Variants in MRE11 observed in about 807,000 individuals in gnomAD.
The protein encoded by MRE11 is double-strand break repair protein MRE11.
Under a neutral mutation model 91.7 loss-of-function variants are expected in MRE11, and 62 were observed. The observed-to-expected ratio is 0.68, with a 90% confidence interval of 0.55 to 0.84. MRE11 has a LOEUF of 0.84. Ranked by LOEUF, MRE11 falls within the 40% of genes least tolerant of loss-of-function variation. The pLI is 0.00. For synonymous variants in MRE11, 273 were observed against 271.4 expected (o/e 1.01, Z -0.06); for missense variants, 796 against 852.9 (o/e 0.93, Z 0.83).
At chr11:94,508,398 A>G in the MRE11 span, among the ~76,000 whole-genome samples, 1 of 152,200 alleles carries the variant, frequency 6.6e-6, no homozygotes, top group African/African-American at 2.4e-5. Flanking sequence ...ATACTCTAGA[A>G]GCTTTTGTGT....
At chr11:94,487,609 T>A (rs1311457273) in intron 3 of MRE11, among the ~76,000 whole-genome samples, 1 of 152,246 alleles carries the variant, frequency 6.6e-6, no homozygotes, top group Non-Finnish European at 1.5e-5. Context: ...TCCAAAGTGC[T>A]GTAACAGACA....
At chr11:94,498,131 G>T (rs977713931), upstream of MRE11, 1 of 1,614,118 alleles carries the variant, frequency 6.2e-7, no homozygotes, top group Non-Finnish European at 8.5e-7. Context: ...TAGGGATGAA[G>T]ATGAGTATAC....
chr11:94,461,795 A>G (rs960096361), intron 11 of MRE11, among the ~76,000 whole-genome samples: 1 of 152,166 alleles, frequency 6.6e-6, no homozygotes, highest in Non-Finnish European at 1.5e-5. Flanking sequence ...CAATGTGCAG[A>G]CCAGGCGCGG....
chr11:94,498,552 A>T, upstream of MRE11: 2 of 1,581,970 alleles, frequency 1.3e-6, no homozygotes, highest in Non-Finnish European at 1.7e-6. Flanking sequence ...TAATTTTCCT[A>T]AGTTTCTAAA....
chr11:94,481,066 T>C (rs1056591663), intron 4 of MRE11, among the ~76,000 whole-genome samples: 2 of 152,192 alleles, frequency 1.3e-5, no homozygotes, highest in Non-Finnish European at 2.9e-5. Flanking sequence ...CCCAGCACTT[T>C]GGGAGGCCGA....
At chr11:94,504,254 A>C in the MRE11 span, among the ~76,000 whole-genome samples, 12 of 152,176 alleles carry the variant, frequency 7.9e-5, no homozygotes, top group South Asian at 2.1e-4. Context: ...TTATATTTTT[A>C]TGAAGTCGAT....
rs1591659309 is a variant in MRE11, at chr11:94,450,457, T to G, written c.1564-3019A>C. Reference sequence around the variant, plus strand: ...ATACACTGAAAATTAATAATATACTTCAAGACCCCATGAAACTTTTTAGCT... The same window carrying G: ...ATACACTGAAAATTAATAATATACTGCAAGACCCCATGAAACTTTTTAGCT... On this transcript the variant is annotated intron_variant, in intron 14 of 19. Transcript: ENST00000323929. 2.0e-5 allele frequency among the ~76,000 whole-genome samples: 3 copies of G among 152,222 alleles called. No individual in the cohort carries two copies. The South Asian group carries it at 6.2e-4, about 32-fold the overall frequency.
At chr11:94,483,982 T>C (rs1947075377) in intron 4 of MRE11, 1 of 152,164 alleles carries the variant, frequency 6.6e-6, no homozygotes, top group South Asian at 2.1e-4. Flanking sequence ...AATGTGCACA[T>C]GTAACATCCA....
At chr11:94,437,063 T>G in intron 17 of MRE11, 114 bp downstream of exon 17, 2 of 937,082 alleles carry the variant, frequency 2.1e-6, no homozygotes, top group Non-Finnish European at 3.2e-6. Flanking sequence ...TCCTTCCAGC[T>G]TTAATGTTCC....
chr11:94,428,755 C>T (rs747026612), intron 19 of MRE11, among the ~76,000 whole-genome samples: 10 of 151,714 alleles, frequency 6.6e-5, no homozygotes, highest in South Asian at 2.1e-4. Context: ...CCCAGCTACT[C>T]GGGAGGCTGA....
chr11:94,439,748 T>TTGTCCCATCC (rs1565208033), intron 16 of MRE11, among the ~76,000 whole-genome samples: 1 of 152,236 alleles, frequency 6.6e-6, no homozygotes. Flanking sequence ...GACGCAATCA[T>TTGTCCCATCC]TGTCCCATCC....
intron 7 of MRE11, among the ~76,000 whole-genome samples, chr11:94,474,904 G>T (rs1946811816): frequency 6.6e-6 from 1 of 152,118 alleles, no homozygotes; most frequent in South Asian, 2.1e-4. Context: ...GACCTGGGAA[G>T]CTCTATGGAA....
the MRE11 span, among the ~76,000 whole-genome samples, chr11:94,510,041 A>AT: frequency 4.0e-4 from 61 of 151,194 alleles, no homozygotes; most frequent in African/African-American, 1.4e-3. Context: ...AAGTGTTAAC[A>AT]TTTTTTTTTA....
intron 3 of MRE11, among the ~76,000 whole-genome samples, chr11:94,489,900 G>C (rs1217066558): frequency 6.6e-6 from 1 of 151,930 alleles, no homozygotes; most frequent in Non-Finnish European, 1.5e-5. Flanking sequence ...TTCTATTTTT[G>C]GTACAACTAT....
At chr11:94,474,695 C>G (rs947035555) in intron 7 of MRE11, among the ~76,000 whole-genome samples, 1 of 152,116 alleles carries the variant, frequency 6.6e-6, no homozygotes, top group African/African-American at 2.4e-5. Context: ...GGGAACTTTA[C>G]AGCAGAGAAA....
At chr11:94,439,066 C>A (rs1945703906) in intron 16 of MRE11, among the ~76,000 whole-genome samples, 1 of 152,180 alleles carries the variant, frequency 6.6e-6, no homozygotes, top group East Asian at 1.9e-4. Flanking sequence ...ACTCCCGTGG[C>A]TACAAGTGTA....
At chr11:94,422,874 C>T (rs572988489) in intron 19 of MRE11, among the ~76,000 whole-genome samples, 114 of 152,104 alleles carry the variant, frequency 7.5e-4, no homozygotes, top group Admixed American at 1.4e-3. Context: ...CCACCATGTC[C>T]GGCTAATTTT....
intron 4 of MRE11, among the ~76,000 whole-genome samples, chr11:94,484,752 T>C (rs1479998591): frequency 3.9e-5 from 6 of 152,046 alleles, no homozygotes; most frequent in African/African-American, 1.4e-4. Flanking sequence ...AATCTAATCA[T>C]AGAAAGCAGG....
At chr11:94,477,346 T>G (rs1246693015) in intron 6 of MRE11, among the ~76,000 whole-genome samples, 4 of 152,310 alleles carry the variant, frequency 2.6e-5, no homozygotes, top group African/African-American at 9.6e-5. Context: ...ATTCTCATAC[T>G]CCACAGGTTC....
Sources: allele counts gnomAD v4.1 joint callset (sites outside exome capture counted in the v4.1 genomes callset), GRCh38; gene constraint gnomAD v4.1.1; transcripts MANE v1.5; gene names NCBI Gene and HGNC (gene_info 2026-07-23, HGNC 2026-07-21).